The following ULK4 variants were observed in gnomAD, a reference collection of about 807,000 sequenced individuals.
ULK4 encodes the protein inactive serine/threonine-protein kinase ULK4.
Under a neutral mutation model 160.6 loss-of-function variants are expected in ULK4, and 133 were observed. That is an observed-to-expected ratio of 0.83 (90% confidence interval 0.72 to 0.96). The LOEUF (loss-of-function observed/expected upper bound fraction) is 0.96. Among genes scored for constraint, ULK4 ranks in the 40% least tolerant of loss-of-function variants. ULK4 has a pLI of 0.00. For synonymous variants in ULK4, 534 were observed against 539.8 expected (o/e 0.99, Z 0.15); for missense variants, 1,580 against 1,499.5 (o/e 1.05, Z -0.89).
chr3:41,909,453 G>A (rs980668541), intron 11 of ULK4, among the ~76,000 whole-genome samples: 1 of 152,142 alleles, frequency 6.6e-6, no homozygotes, highest in Admixed American at 6.6e-5. Flanking sequence ...GCTCATGCCT[G>A]TAATTCTCAG....
At chr3:41,620,407 G>A (rs964532810) in intron 30 of ULK4, among the ~76,000 whole-genome samples, 4 of 152,278 alleles carry the variant, frequency 2.6e-5, no homozygotes, top group Admixed American at 1.3e-4. Context: ...ACATCAAAAA[G>A]CTTATCCACC....
intron 35 of ULK4, among the ~76,000 whole-genome samples, chr3:41,314,067 C>A (rs2080102425): frequency 6.6e-6 from 1 of 152,194 alleles, no homozygotes; most frequent in African/African-American, 2.4e-5. Flanking sequence ...TCCAACCCCC[C>A]AGTCTTTGAG....
At chr3:41,893,142 G>A (rs1698027094) in intron 16 of ULK4, among the ~76,000 whole-genome samples, 1 of 152,168 alleles carries the variant, frequency 6.6e-6, no homozygotes, top group Non-Finnish European at 1.5e-5. Context: ...GACTGGGGAA[G>A]GAAAGGGGAA....
chr3:41,762,436 A>G (rs1177177686), intron 21 of ULK4, among the ~76,000 whole-genome samples: 2 of 152,178 alleles, frequency 1.3e-5, no homozygotes, highest in African/African-American at 4.8e-5. Flanking sequence ...ATAAAAAGCT[A>G]ACAGTGAAAA....
intron 30 of ULK4, among the ~76,000 whole-genome samples, chr3:41,633,439 A>C (rs2125706130): frequency 6.6e-6 from 1 of 152,300 alleles, no homozygotes; most frequent in Admixed American, 6.5e-5. Context: ...GGCAGAGTTA[A>C]GTAGCTGTAA....
At chr3:41,801,412 T>C (rs991935041) in intron 19 of ULK4, among the ~76,000 whole-genome samples, 1 of 152,080 alleles carries the variant, frequency 6.6e-6, no homozygotes, top group Non-Finnish European at 1.5e-5. Context: ...GCTTGAAATA[T>C]TGTCTGAGAA....
At chr3:41,798,775 A>T (rs1291130737) in intron 20 of ULK4, among the ~76,000 whole-genome samples, 6 of 152,114 alleles carry the variant, frequency 3.9e-5, no homozygotes, top group Non-Finnish European at 5.9e-5. Context: ...GGTAAATTAA[A>T]CACCTAAATG....
At chr3:41,261,949 A>G (rs1276399068) in intron 35 of ULK4, among the ~76,000 whole-genome samples, 1 of 152,212 alleles carries the variant, frequency 6.6e-6, no homozygotes, top group Non-Finnish European at 1.5e-5. Context: ...CCATTATCTC[A>G]TGTTCTCTTC....
chr3:41,872,598 T>C (rs1697137466), intron 17 of ULK4, among the ~76,000 whole-genome samples: 1 of 152,122 alleles, frequency 6.6e-6, no homozygotes, highest in South Asian at 2.1e-4. Context: ...TCAGGTAGTG[T>C]GTTGCCTCCA....
chr3:41,347,373 C>T (rs934074129), intron 35 of ULK4, among the ~76,000 whole-genome samples: 6 of 152,068 alleles, frequency 3.9e-5, no homozygotes, highest in Non-Finnish European at 8.8e-5. Flanking sequence ...AAAGCAAAAC[C>T]AGACAGGCCA....
rs144612464 is a variant in ULK4 at position 41,345,524 on chromosome 3, A to G, written c.3678+52555T>C. Among the ~76,000 whole-genome samples the G allele has an allele frequency of 1.1e-3, 163 of 152,360 alleles. 2 individuals are homozygous for G. The highest frequency in any genetic ancestry group is 3.5e-3 in the African/African-American group (147 of 41,590). ...TTATCCTCAGAAAACTAATGCAGAA[A>G]GAGAAAACTAAACACTGCATGTTCT... is the stretch of plus-strand genomic sequence containing the variant. On this transcript the variant is annotated intron_variant, in intron 35 of 36. Transcript: ENST00000301831.
rs1168288630 is a variant in ULK4, at chr3:41,294,981, C to T, written c.3679-45407G>A. Among the ~76,000 whole-genome samples the T allele has an allele frequency of 2.6e-5, 4 of 152,210 alleles. No individual in the cohort carries two copies. The East Asian group carries it at 7.7e-4, about 29-fold the overall frequency. ...AAGTTATATGGAGAGATAAAAGACC[C>T]AGAATAGCCAATGCAGTATTGAAGA... On this transcript the variant is annotated intron_variant, in intron 35 of 36. Transcript: ENST00000301831.
chr3:41,329,596 CAT>C (rs148431066), intron 35 of ULK4, among the ~76,000 whole-genome samples: 1 of 151,906 alleles, frequency 6.6e-6, no homozygotes, highest in African/African-American at 2.4e-5. Context: ...TGAATCTCAC[CAT>C]AGTTGTACAA....
intron 22 of ULK4, among the ~76,000 whole-genome samples, chr3:41,747,480 T>A (rs2038457924): frequency 6.6e-6 from 1 of 150,734 alleles, no homozygotes; most frequent in Non-Finnish European, 1.5e-5. Context: ...GAGACCACGA[T>A]TTGAGTAGAA....
chr3:41,431,764 C>A (rs2082915207), intron 34 of ULK4, among the ~76,000 whole-genome samples: 1 of 148,588 alleles, frequency 6.7e-6, no homozygotes, highest in African/African-American at 2.5e-5. Flanking sequence ...TTTAAAGATG[C>A]GACTATTTCT....
chr3:41,654,553 A>G (rs2034860759), intron 30 of ULK4, among the ~76,000 whole-genome samples: 1 of 152,234 alleles, frequency 6.6e-6, no homozygotes, highest in Non-Finnish European at 1.5e-5. Flanking sequence ...CATGCTGGGT[A>G]AGTATATAGC....
At position 41,706,038 on chromosome 3, in the gene ULK4, C is replaced by T. The variant is rs934549823; in HGVS notation, c.2635-733G>A. On this transcript the variant is annotated intron_variant, in intron 25 of 36. Transcript: ENST00000301831. ...GCTCTCAAGGCCTGTCTTCAAATTT[C>T]GCCACTGTTTTGAGTTCCTCCTAGA... is the stretch of plus-strand genomic sequence containing the variant. Among the ~76,000 whole-genome samples the T allele has an allele frequency of 3.9e-5, 6 of 152,030 alleles. No homozygotes were observed. The East Asian group carries it at 7.7e-4, about 20-fold the overall frequency.
chr3:41,352,036 A>C (rs996253257), intron 35 of ULK4, among the ~76,000 whole-genome samples: 1 of 152,242 alleles, frequency 6.6e-6, no homozygotes, highest in African/African-American at 2.4e-5. Context: ...TAGTCAGGGA[A>C]AATAAGTCAA....
intron 35 of ULK4, among the ~76,000 whole-genome samples, chr3:41,326,426 A>G (rs2080339237): frequency 6.6e-6 from 1 of 151,040 alleles, no homozygotes; most frequent in Non-Finnish European, 1.5e-5. Flanking sequence ...AACCTTAAAG[A>G]GAGTTATATT....
Sources: allele counts gnomAD v4.1 joint callset (sites outside exome capture counted in the v4.1 genomes callset), GRCh38; gene constraint gnomAD v4.1.1; transcripts MANE v1.5; gene names NCBI Gene and HGNC (gene_info 2026-07-23, HGNC 2026-07-21).